Variants in KIF15 observed in about 807,000 individuals in gnomAD.
The protein encoded by KIF15 is kinesin family member 15, also known as kinesin-like protein KIF15.
A neutral mutation model predicts 190.6 loss-of-function variants in KIF15; 140 were observed. The ratio of observed to expected loss-of-function variants is 0.73; its 90% confidence interval spans 0.64 to 0.84. The LOEUF is 0.84. Ranked by LOEUF, KIF15 falls within the 40% of genes least tolerant of loss-of-function variation. KIF15 has a pLI of 0.00. For missense variants in KIF15, 1,372 were observed against 1,584.4 expected (o/e 0.87, Z 2.28); for synonymous variants, 528 against 551.3 (o/e 0.96, Z 0.59).
intron 6 of KIF15, chr3:44,865,064 G>A: frequency 6.2e-7 from 1 of 1,614,140 alleles, no homozygotes; most frequent in East Asian, 2.2e-5. Flanking sequence ...TGTGCTGTAT[G>A]GAGAGTGCCA....
intron 1 of KIF15, among the ~76,000 whole-genome samples, chr3:44,772,635 A>C (rs1705693334): frequency 6.6e-6 from 1 of 152,242 alleles, no homozygotes; most frequent in Admixed American, 6.5e-5. Flanking sequence ...TAGCCATGCA[A>C]AGTGGCCAGT....
At chr3:44,813,800 G>T (rs116454377) in intron 19 of KIF15, among the ~76,000 whole-genome samples, 2,831 of 152,004 alleles carry the variant, frequency 0.019, 76 homozygotes, top group African/African-American at 0.063. Flanking sequence ...CTAATTTTAG[G>T]AGAGACACGG....
chr3:44,790,691 GTTTCT>G (rs1706646363), intron 7 of KIF15, among the ~76,000 whole-genome samples: 1 of 120,456 alleles, frequency 8.3e-6, no homozygotes, highest in African/African-American at 3.1e-5. Flanking sequence ...CAGTTTTTCT[GTTTCT>G]TTTTTTTTTT....
chr3:44,852,744 G>A lies in KIF15; in HGVS notation c.*9G>A. On this transcript the variant is annotated 3_prime_UTR_variant, in exon 35 of 35. Coordinates refer to ENST00000326047, the MANE Select transcript of KIF15 (RefSeq NM_020242.3). ...AAAGAAGTGAATCTTGAGGATTCCGGTCAGCTACCTAGGCATCACCTTGTT... is the reference window on the plus strand; with the variant it reads ...AAAGAAGTGAATCTTGAGGATTCCGATCAGCTACCTAGGCATCACCTTGTT... 1 of 1,590,646 alleles carries A rather than the reference G, an allele frequency of 6.3e-7. No individual in the cohort carries two copies. The highest frequency in any genetic ancestry group is 8.5e-7 in the Non-Finnish European group (1 of 1,171,468).
At chr3:44,797,254 C>G (rs768723402) in intron 8 of KIF15, among the ~76,000 whole-genome samples, 9 of 152,110 alleles carry the variant, frequency 5.9e-5, no homozygotes, top group Non-Finnish European at 1.0e-4. Context: ...GTATCCAACT[C>G]CTGAGCTCAA....
At chr3:44,770,533 G>C (rs1282136261) in intron 1 of KIF15, among the ~76,000 whole-genome samples, 2 of 151,920 alleles carry the variant, frequency 1.3e-5, no homozygotes, top group African/African-American at 2.4e-5. Flanking sequence ...GACTGTGTAG[G>C]CAAGGTATGA....
In KIF15 at chr3:44,852,291, G is replaced by T. The variant is rs1348812420; in HGVS notation, c.4056G>T (p.Lys1352Asn). ...KLVGHQNLHQ[K>N]IQYVVRLKKE... ...TAGGTCACCAAAATTTGCATCAGAA[G>T]ATTCAGTACGTAGTGCGACTAAAGA... Residue 1352 changes from lysine (K) to asparagine (N), a missense_variant, in exon 34 of 35, where the codon AAG becomes AAT. Lys to Asn is a moderately conservative substitution (Grantham distance 94). Transcript: ENST00000326047. The T allele has an allele frequency of 1.2e-6, 2 of 1,613,570 alleles. No homozygotes were observed. Among genetic ancestry groups the T allele is most frequent in the East Asian group, 2.2e-5 (1 of 44,868 alleles).
At chr3:44,867,321 A>G (rs574512960) in intron 6 of KIF15, among the ~76,000 whole-genome samples, 1 of 151,958 alleles carries the variant, frequency 6.6e-6, no homozygotes, top group Non-Finnish European at 1.5e-5. Flanking sequence ...CCAGCCACCT[A>G]CCTTTTCTTA....
rs141835692 is a variant in KIF15, at chr3:44,803,034, C to T, written c.1687+43C>T. 7.8e-3 allele frequency: 12,011 copies of T among 1,532,666 alleles called. 88 individuals carry two copies. The highest frequency in any genetic ancestry group is 0.031 in the Middle Eastern group (173 of 5,542). 94.9% of individuals were successfully genotyped at this position (1,532,666 alleles called of 1,614,324 possible). On this transcript the variant is annotated intron_variant, in intron 14 of 34. Coordinates refer to ENST00000326047, the MANE Select transcript of KIF15 (RefSeq NM_020242.3). Reference sequence around the variant, plus strand: ...TATATACGTGCCATGTAGGAAGGGGCTGTTTTAAAGAGCATTTTTAGTGCC... The same window carrying T: ...TATATACGTGCCATGTAGGAAGGGGTTGTTTTAAAGAGCATTTTTAGTGCC...
chr3:44,826,169 ACT>A lies in KIF15; in HGVS notation c.2683_2684del (p.Leu895GlufsTer3). 1 of 1,575,934 alleles carries A rather than the reference ACT, an allele frequency of 6.3e-7. No homozygotes were observed. Among genetic ancestry groups the A allele is most frequent in the Non-Finnish European group, 8.5e-7 (1 of 1,169,960 alleles). ...CCAAAACTTCAAAAAAGAAAATGAA[ACT>A]CTGAAATCTGATCTGAATGTATGTT... ...NLQNFKKENE[T>X]LKSDLNNLME... On this transcript the variant is annotated frameshift_variant, in exon 21 of 35. Coordinates refer to ENST00000326047, the MANE Select transcript of KIF15 (RefSeq NM_020242.3). LOFTEE classifies it high-confidence loss of function.
intron 1 of KIF15, among the ~76,000 whole-genome samples, chr3:44,771,033 C>T (rs1262935383): frequency 1.3e-5 from 2 of 152,150 alleles, no homozygotes; most frequent in African/African-American, 2.4e-5. Context: ...GTCTCAATCT[C>T]CAAAGTTATC....
chr3:44,834,848 G>A (rs1698231553), intron 26 of KIF15, among the ~76,000 whole-genome samples: 1 of 151,852 alleles, frequency 6.6e-6, no homozygotes, highest in Admixed American at 6.6e-5. Context: ...TAGGAGAATC[G>A]CTGGAACCTA....
chr3:44,767,891 T>A, intron 1 of KIF15, among the ~76,000 whole-genome samples: 1 of 94,858 alleles, frequency 1.1e-5, no homozygotes, highest in Non-Finnish European at 2.0e-5. Context: ...CGAGACTCCA[T>A]CTCAAAAAAA....
chr3:44,829,461 TATA>T (rs1295145930), intron 24 of KIF15, among the ~76,000 whole-genome samples: 2 of 129,678 alleles, frequency 1.5e-5, no homozygotes, highest in Non-Finnish European at 3.1e-5. Flanking sequence ...GCATATATAA[TATA>T]TATGTATATA....
chr3:44,830,714 G>A (rs1698026337), intron 25 of KIF15, among the ~76,000 whole-genome samples, 182 bp from the exon 26 acceptor site: 2 of 152,060 alleles, frequency 1.3e-5, no homozygotes. Context: ...GATACTTAGA[G>A]GACTTTTCCA....
chr3:44,798,706 C>T (rs1253973768), intron 10 of KIF15, among the ~76,000 whole-genome samples: 1 of 152,132 alleles, frequency 6.6e-6, no homozygotes, highest in Non-Finnish European at 1.5e-5. Flanking sequence ...ACCCAGCTGA[C>T]AAATTTTTTC....
chr3:44,807,560 C>G (rs939896431), intron 16 of KIF15, among the ~76,000 whole-genome samples: 6 of 152,152 alleles, frequency 3.9e-5, no homozygotes, highest in African/African-American at 1.4e-4. Context: ...AGTAGCAAAT[C>G]TCTTTCCTTC....
At chr3:44,802,003 A>G (rs764744794) in intron 13 of KIF15, 29 bp downstream of exon 13, 20 of 1,481,416 alleles carry the variant, frequency 1.4e-5, no homozygotes, top group Middle Eastern at 3.6e-4. Context: ...TAATATTTCT[A>G]AAAATAAAAG....
intron 7 of KIF15, among the ~76,000 whole-genome samples, chr3:44,789,276 G>C (rs563283962): frequency 1.3e-5 from 2 of 151,748 alleles, no homozygotes; most frequent in Non-Finnish European, 2.9e-5. Flanking sequence ...TTACGGTGTA[G>C]ATCCAAATAT....
Sources: allele counts gnomAD v4.1 joint callset (sites outside exome capture counted in the v4.1 genomes callset), GRCh38; gene constraint gnomAD v4.1.1; transcripts MANE v1.5; gene names NCBI Gene and HGNC (gene_info 2026-07-23, HGNC 2026-07-21).